The following ARID1B variants were observed in gnomAD, a reference collection of about 807,000 sequenced individuals.
ARID1B encodes AT-rich interaction domain 1B.
ARID1B carries 30 observed loss-of-function variants against 212.3 expected under a neutral mutation model. The ratio of observed to expected loss-of-function variants is 0.14; its 90% confidence interval spans 0.11 to 0.19. The LOEUF (loss-of-function observed/expected upper bound fraction) is 0.19, where lower values mean the gene tolerates loss of function less well. ARID1B is among the 10% of genes least tolerant of loss of function. ARID1B has a pLI of 1.00. For synonymous variants in ARID1B, 1,402 were observed against 1,301.7 expected (o/e 1.08, Z -1.66); for missense variants, 2,891 against 3,204.0 (o/e 0.90, Z 2.36).
intron 4 of ARID1B, among the ~76,000 whole-genome samples, chr6:156,963,016 C>T (rs1794503170): frequency 6.6e-6 from 1 of 151,742 alleles, no homozygotes; most frequent in African/African-American, 2.4e-5. Context: ...CTCCTGACCT[C>T]GTGATCCACC....
At chr6:157,106,963 G>A (rs748688698) in intron 5 of ARID1B, among the ~76,000 whole-genome samples, 5 of 152,194 alleles carry the variant, frequency 3.3e-5, no homozygotes, top group Non-Finnish European at 7.3e-5. Flanking sequence ...CCAGAAATTC[G>A]TGAGTGCAGG....
At position 156,777,698 on chromosome 6, in the gene ARID1B, AGCGGCGGCG is replaced by A. The variant is rs1046451353; in HGVS notation, c.34_42del (p.Ala12_Ala14del). ...CGGCGATCATGGCCGCGCGGGCAGC[AGCGGCGGCG>A]GCGGCGGCGGCGGCGCGGGCGCGGG... On this transcript the variant is annotated inframe_deletion, in exon 1 of 20. Coordinates refer to ENST00000636930, the MANE Select transcript of ARID1B (RefSeq NM_001374828.1). 2.5e-3 allele frequency: 365 copies of A among 146,744 alleles called. No homozygotes were observed. Among genetic ancestry groups the A allele is most frequent in the Non-Finnish European group, 2.9e-3 (195 of 67,774 alleles). 9.1% of individuals were successfully genotyped at this position (146,744 alleles called of 1,614,324 possible).
intron 13 of ARID1B, chr6:157,186,358 T>C (rs1275181336): frequency 4.3e-6 from 2 of 461,670 alleles, no homozygotes; most frequent in Non-Finnish European, 9.0e-6. Context: ...TTCTCAGTAG[T>C]CCAGATGGAG....
At chr6:156,864,941 T>A (rs574896880) in intron 2 of ARID1B, among the ~76,000 whole-genome samples, 46 of 152,348 alleles carry the variant, frequency 3.0e-4, no homozygotes, top group African/African-American at 8.2e-4. Flanking sequence ...TAATTTTTTT[T>A]AAATTTTCTA....
intron 8 of ARID1B, among the ~76,000 whole-genome samples, chr6:157,152,734 G>C (rs570874027): frequency 6.6e-6 from 1 of 152,180 alleles, no homozygotes; most frequent in Non-Finnish European, 1.5e-5. Context: ...GCTTGTTGCA[G>C]CAAACTCGTG....
intron 5 of ARID1B, among the ~76,000 whole-genome samples, chr6:157,104,444 T>G (rs958016812): frequency 6.6e-6 from 1 of 152,082 alleles, no homozygotes; most frequent in Non-Finnish European, 1.5e-5. Context: ...TAAGGATGAG[T>G]GTAGGAGAAA....
chr6:156,929,411 G>C (rs978799021), intron 3 of ARID1B, among the ~76,000 whole-genome samples: 1 of 152,198 alleles, frequency 6.6e-6, no homozygotes, highest in Non-Finnish European at 1.5e-5. Flanking sequence ...GGCAGGCTGT[G>C]TGGCCACCAG....
At chr6:156,813,093 C>CATATATATATATACACATACGTATGTAT (rs1781712791) in intron 1 of ARID1B, among the ~76,000 whole-genome samples, 5 of 94,012 alleles carry the variant, frequency 5.3e-5, no homozygotes, top group African/African-American at 9.5e-5. Context: ...TATGTATATA[C>CATATATATATATACACATACGTATGTAT]ATACATATAT....
intron 2 of ARID1B, among the ~76,000 whole-genome samples, chr6:156,855,133 A>T (rs1784828443): frequency 2.6e-5 from 4 of 152,250 alleles, no homozygotes; most frequent in Admixed American, 2.6e-4. Flanking sequence ...GAGATGAATG[A>T]ACATAGGTCA....
chr6:156,941,998 A>T (rs998987587), intron 4 of ARID1B: 2 of 152,232 alleles, frequency 1.3e-5, no homozygotes, highest in African/African-American at 4.8e-5. Flanking sequence ...GAATTTGTTT[A>T]ATTTTTTAAA....
intron 8 of ARID1B, chr6:157,149,223 C>A: frequency 2.3e-6 from 1 of 439,064 alleles, no homozygotes; most frequent in Non-Finnish European, 4.2e-6. Context: ...ATAGTCATTG[C>A]AGCAGCAAAC....
intron 4 of ARID1B, among the ~76,000 whole-genome samples, chr6:156,998,448 C>G (rs1778724012): frequency 6.6e-6 from 1 of 152,154 alleles, no homozygotes; most frequent in African/African-American, 2.4e-5. Flanking sequence ...TGGTCTGGAT[C>G]TCCTGACCTC....
At chr6:157,145,310 A>G (rs1384259727) in intron 7 of ARID1B, among the ~76,000 whole-genome samples, 1 of 152,166 alleles carries the variant, frequency 6.6e-6, no homozygotes, top group African/African-American at 2.4e-5. Context: ...TTTTACTGGA[A>G]CATCACCACT....
intron 2 of ARID1B, among the ~76,000 whole-genome samples, chr6:156,901,008 T>A (rs1718089601): frequency 6.6e-6 from 1 of 152,210 alleles, no homozygotes; most frequent in Non-Finnish European, 1.5e-5. Flanking sequence ...ATTTGGACTG[T>A]TTGAGTTCAC....
intron 1 of ARID1B, among the ~76,000 whole-genome samples, chr6:156,822,174 C>A (rs1782396683): frequency 6.6e-6 from 1 of 152,162 alleles, no homozygotes; most frequent in Non-Finnish European, 1.5e-5. Flanking sequence ...AATCCCATTT[C>A]TTGATCCTTT....
At chr6:157,008,235 T>A (rs1244953550) in intron 4 of ARID1B, among the ~76,000 whole-genome samples, 1 of 152,206 alleles carries the variant, frequency 6.6e-6, no homozygotes, top group Non-Finnish European at 1.5e-5. Context: ...TTCACATTGC[T>A]GTGTAGCCGT....
At chr6:156,865,819 C>T (rs1785645796) in intron 2 of ARID1B, among the ~76,000 whole-genome samples, 1 of 151,998 alleles carries the variant, frequency 6.6e-6, no homozygotes, top group Non-Finnish European at 1.5e-5. Context: ...CTCCACCTTC[C>T]TCCTTTTTCC....
chr6:157,159,695 G>C (rs1790805876), intron 8 of ARID1B, among the ~76,000 whole-genome samples: 1 of 152,226 alleles, frequency 6.6e-6, no homozygotes, highest in Non-Finnish European at 1.5e-5. Context: ...CCAAGATGCA[G>C]GAGTGAAAAA....
Position 156,945,099 on chromosome 6 carries a change from A to T in ARID1B, c.2247+9523A>T, listed in dbSNP as rs375118013. 5.9e-3 allele frequency among the ~76,000 whole-genome samples: 612 copies of T among 104,406 alleles called. 2 individuals are homozygous for T. Among genetic ancestry groups the T allele is most frequent in the African/African-American group, 0.023 (534 of 22,946 alleles). 68.5% of individuals were successfully genotyped at this position (104,406 alleles called of 152,430 possible). Reference sequence around the variant, plus strand: ...CACCAAGTCGGGCTAATTTTTTTGTATATTTTTTTTTTTTTTTAGTAGAGA... The same window carrying T: ...CACCAAGTCGGGCTAATTTTTTTGTTTATTTTTTTTTTTTTTTAGTAGAGA... On this transcript the variant is annotated intron_variant, in intron 4 of 19. Coordinates refer to ENST00000636930, the MANE Select transcript of ARID1B (RefSeq NM_001374828.1).
Sources: gnomAD v4.1 joint callset for allele counts (sites outside exome capture counted in the v4.1 genomes callset) on GRCh38, gnomAD v4.1.1 for gene constraint, MANE v1.5 for transcripts, NCBI Gene and HGNC (gene_info 2026-07-23, HGNC 2026-07-21) for gene names.